Variants in SIAH3 observed in about 807,000 individuals in gnomAD.
SIAH3 encodes the protein seven in absentia homolog 3.
A neutral mutation model predicts 12.6 loss-of-function variants in SIAH3; 9 were observed. That is an observed-to-expected ratio of 0.72 (90% CI 0.43 to 1.25). The LOEUF is 1.25. SIAH3 is among the 50% of genes most tolerant of loss of function. SIAH3 has a pLI of 0.00. For missense variants in SIAH3, 390 were observed against 365.4 expected (o/e 1.07, Z -0.55); for synonymous variants, 154 against 151.1 (o/e 1.02, Z -0.14).
At chr13:45,833,871 A>G (rs1181995345) in intron 1 of SIAH3, among the ~76,000 whole-genome samples, 1 of 152,200 alleles carries the variant, frequency 6.6e-6, no homozygotes, top group African/African-American at 2.4e-5. Context: ...GCCTCCAGGA[A>G]GAGCTCAGCC....
chr13:45,849,083 G>A (rs1200501954), intron 1 of SIAH3, among the ~76,000 whole-genome samples: 1 of 152,280 alleles, frequency 6.6e-6, no homozygotes, highest in East Asian at 1.9e-4. Context: ...TCTGCAAATG[G>A]CTATTAGCCC....
intron 1 of SIAH3, among the ~76,000 whole-genome samples, chr13:45,820,703 C>G (rs991279103): frequency 1.3e-5 from 2 of 152,158 alleles, no homozygotes; most frequent in African/African-American, 4.8e-5. Flanking sequence ...CAAACAGACT[C>G]TGCCTGGCTG....
At chr13:45,808,533 G>GT (rs1950605780) in intron 1 of SIAH3, among the ~76,000 whole-genome samples, 2 of 152,238 alleles carry the variant, frequency 1.3e-5, no homozygotes, top group Non-Finnish European at 2.9e-5. Flanking sequence ...CGGCTGAATT[G>GT]TAACTGTAGG....
rs1167384538 is a variant in SIAH3 at position 45,778,343 on chromosome 13, T to G, written c.*5040A>C. 2 of 152,220 alleles carry G rather than the reference T, an allele frequency of 1.3e-5. No homozygotes were observed. Among genetic ancestry groups the G allele is most frequent in the African/African-American group, 4.8e-5 (2 of 41,458 alleles). The allele number at this position is 152,220 out of a possible 1,614,324, so 9.4% of individuals were successfully genotyped here. Reference sequence around the variant, plus strand: ...TTGAGCTTTATAGAGCTGGTTTTGCTTTTTGGATTGGGATAGCCAATAGGC... The same window carrying G: ...TTGAGCTTTATAGAGCTGGTTTTGCGTTTTGGATTGGGATAGCCAATAGGC... On this transcript the variant is annotated 3_prime_UTR_variant, in exon 2 of 2. Coordinates refer to ENST00000400405, the MANE Select transcript of SIAH3 (RefSeq NM_198849.3).
At chr13:45,791,456 G>C (rs1398186982) in intron 1 of SIAH3, among the ~76,000 whole-genome samples, 2 of 152,212 alleles carry the variant, frequency 1.3e-5, no homozygotes, top group Admixed American at 6.5e-5. Context: ...TCTTCAGTCA[G>C]AGGCTCTGTC....
intron 1 of SIAH3, among the ~76,000 whole-genome samples, chr13:45,829,905 G>A (rs1301750217): frequency 4.6e-5 from 7 of 152,114 alleles, no homozygotes; most frequent in African/African-American, 4.8e-5. Flanking sequence ...CTTCTGTCCC[G>A]GGGTGCAGCT....
At chr13:45,811,574 A>G (rs1325839569) in intron 1 of SIAH3, among the ~76,000 whole-genome samples, 1 of 152,002 alleles carries the variant, frequency 6.6e-6, no homozygotes, top group Non-Finnish European at 1.5e-5. Context: ...GCAATCCTCC[A>G]TCCTCAACCT....
chr13:45,826,814 C>T (rs899522593), intron 1 of SIAH3, among the ~76,000 whole-genome samples: 27 of 152,200 alleles, frequency 1.8e-4, no homozygotes, highest in African/African-American at 6.5e-4. Flanking sequence ...GGGCTGAGGG[C>T]TGTGGGTTGC....
intron 1 of SIAH3, among the ~76,000 whole-genome samples, chr13:45,817,618 T>C (rs1463386500): frequency 1.5e-5 from 2 of 136,764 alleles, no homozygotes; most frequent in Non-Finnish European, 3.1e-5. Flanking sequence ...GAGAAAGCAA[T>C]GTGAAGACAG....
At chr13:45,846,907 C>T (rs1950762220) in intron 1 of SIAH3, among the ~76,000 whole-genome samples, 1 of 152,240 alleles carries the variant, frequency 6.6e-6, no homozygotes, top group Non-Finnish European at 1.5e-5. Flanking sequence ...TTGCAATCAC[C>T]ATTAACCAGA....
At chr13:45,825,741 A>G in intron 1 of SIAH3, among the ~76,000 whole-genome samples, 1 of 152,208 alleles carries the variant, frequency 6.6e-6, no homozygotes, top group Non-Finnish European at 1.5e-5. Flanking sequence ...CGTTCATTCA[A>G]CAGCATCAGT....
At chr13:45,826,646 T>A (rs180879456) in intron 1 of SIAH3, among the ~76,000 whole-genome samples, 1 of 152,284 alleles carries the variant, frequency 6.6e-6, no homozygotes, top group African/African-American at 2.4e-5. Context: ...AATAGCTCAA[T>A]CCTAGCATAG....
chr13:45,779,236 T>C lies in SIAH3; in HGVS notation c.*4147A>G, dbSNP rs1443722005. On this transcript the variant is annotated 3_prime_UTR_variant, in exon 2 of 2. Coordinates refer to ENST00000400405, the MANE Select transcript of SIAH3 (RefSeq NM_198849.3). ...TGAAATAATTAGGAAGTGATGAGTT[T>C]TAAGTACTTTTGACCTTTGCTTTAA... 1 of 152,232 alleles carries C rather than the reference T, an allele frequency of 6.6e-6. No homozygotes were observed. Among genetic ancestry groups the C allele is most frequent in the Non-Finnish European group, 1.5e-5 (1 of 68,042 alleles). The allele number at this position is 152,232 out of a possible 1,614,324, so 9.4% of individuals were successfully genotyped here. A position where few individuals can be genotyped will look rare whatever the true frequency, so the allele number is the denominator to read the frequency against.
chr13:45,851,669 A>T lies in SIAH3; in HGVS notation c.-40T>A, dbSNP rs776757395. The stretch of plus-strand genomic sequence containing the variant: ...GGTTGTTGGTCCGGGAAGGCAGCGG[A>T]GGAAGCTGTGAGTCCTTGGGCCCTG... On this transcript the variant is annotated 5_prime_UTR_variant, in exon 1 of 2. Coordinates refer to ENST00000400405, the MANE Select transcript of SIAH3 (RefSeq NM_198849.3). The T allele has an allele frequency of 6.2e-7, 1 of 1,613,546 alleles. No individual in the cohort carries two copies. Among genetic ancestry groups the T allele is most frequent in the East Asian group, 2.2e-5 (1 of 44,880 alleles).
intron 1 of SIAH3, among the ~76,000 whole-genome samples, chr13:45,847,577 C>T (rs1950764564): frequency 6.6e-6 from 1 of 151,716 alleles, no homozygotes; most frequent in African/African-American, 2.4e-5. Context: ...CTGTCGGGCA[C>T]TTAAAGCCAC....
chr13:45,792,566 C>T (rs527740858), intron 1 of SIAH3, among the ~76,000 whole-genome samples: 20 of 152,090 alleles, frequency 1.3e-4, no homozygotes, highest in African/African-American at 4.8e-4. Flanking sequence ...CCATGTTGGC[C>T]GGGCTGGTCT....
At chr13:45,813,013 T>G (rs1376017021) in intron 1 of SIAH3, among the ~76,000 whole-genome samples, 1 of 152,142 alleles carries the variant, frequency 6.6e-6, no homozygotes, top group Non-Finnish European at 1.5e-5. Flanking sequence ...ATCTGGATGG[T>G]AGGGAAGTGA....
intron 1 of SIAH3, among the ~76,000 whole-genome samples, chr13:45,800,281 G>C (rs1165183563): frequency 6.6e-6 from 1 of 152,060 alleles, no homozygotes; most frequent in Non-Finnish European, 1.5e-5. Flanking sequence ...AAGAGATGTA[G>C]CTGAACACCA....
chr13:45,851,104 G>A (rs1182981277), intron 1 of SIAH3, among the ~76,000 whole-genome samples: 1 of 148,340 alleles, frequency 6.7e-6, no homozygotes, highest in Non-Finnish European at 1.5e-5. Flanking sequence ...CAACACATGG[G>A]ACAGAGAGAA....
Sources: allele counts gnomAD v4.1 joint callset (sites outside exome capture counted in the v4.1 genomes callset), GRCh38; gene constraint gnomAD v4.1.1; transcripts MANE v1.5; gene names NCBI Gene and HGNC (gene_info 2026-07-23, HGNC 2026-07-21).